The following ARHGEF4 variants were observed in gnomAD, a reference collection of about 807,000 sequenced individuals.
ARHGEF4 encodes the protein Rho guanine nucleotide exchange factor 4.
A neutral mutation model predicts 162.0 loss-of-function variants in ARHGEF4; 119 were observed. The observed-to-expected ratio is 0.73, with a 90% CI of 0.63 to 0.86. ARHGEF4 has a LOEUF of 0.86. Ranked by LOEUF, ARHGEF4 falls within the 40% of genes least tolerant of loss-of-function variation. The probability of loss-of-function intolerance (pLI) is 0.00; values close to 1 mark genes in which losing one functional copy is unlikely to be tolerated. For missense variants in ARHGEF4, 2,488 were observed against 2,456.0 expected (o/e 1.01, Z -0.28); for synonymous variants, 1,014 against 979.9 (o/e 1.03, Z -0.65).
At chr2:130,940,977 C>T (rs1683264269) in intron 3 of ARHGEF4, among the ~76,000 whole-genome samples, 1 of 151,888 alleles carries the variant, frequency 6.6e-6, no homozygotes, top group South Asian at 2.1e-4. Flanking sequence ...GGTTCCATGC[C>T]AATAGATCTT....
At chr2:130,902,917 G>C (rs868472605) in intron 1 of ARHGEF4, among the ~76,000 whole-genome samples, 4 of 85,344 alleles carry the variant, frequency 4.7e-5, no homozygotes, top group African/African-American at 1.5e-4. Context: ...CCCCACAGGG[G>C]CTCTGTTTTT....
chr2:131,028,769 C>A (rs536197865), intron 5 of ARHGEF4, among the ~76,000 whole-genome samples: 9 of 152,154 alleles, frequency 5.9e-5, no homozygotes, highest in African/African-American at 2.2e-4. Flanking sequence ...GAAGTGTAAC[C>A]AGTTGACCAG....
At chr2:130,924,567 C>G (rs1427966537) in intron 2 of ARHGEF4, among the ~76,000 whole-genome samples, 4 of 152,136 alleles carry the variant, frequency 2.6e-5, no homozygotes, top group Non-Finnish European at 4.4e-5. Flanking sequence ...CGAGGCAGTC[C>G]TCTGGTGTGA....
chr2:130,837,595 G>A (rs1391469666), intron 1 of ARHGEF4: 2 of 451,512 alleles, frequency 4.4e-6, no homozygotes, highest in Admixed American at 4.7e-5. Context: ...CCACTCAGTT[G>A]GGACGCCTCC....
rs1356009449 is a variant in ARHGEF4 at position 131,011,225 on chromosome 2, C to T, written c.3986-16720C>T. 3.3e-5 allele frequency among the ~76,000 whole-genome samples: 5 copies of T among 152,142 alleles called. No individual in the cohort carries two copies. In the East Asian group the frequency reaches 9.6e-4, roughly 29 times the overall value. On this transcript the variant is annotated intron_variant, in intron 4 of 13. Coordinates refer to ENST00000409359, the MANE Select transcript of ARHGEF4 (RefSeq NM_001367493.1). The stretch of plus-strand genomic sequence containing the variant: ...TTTCTTGATAGTAAAACAAAATAGT[C>T]CAGGCATTTTAGCACACCTGACCTT...
At chr2:130,996,693 T>C (rs775493178) in intron 4 of ARHGEF4, among the ~76,000 whole-genome samples, 22 of 152,228 alleles carry the variant, frequency 1.4e-4, no homozygotes, top group Admixed American at 4.6e-4. Context: ...AGAGAATACC[T>C]GCATTTGTTT....
intron 4 of ARHGEF4, among the ~76,000 whole-genome samples, chr2:130,966,681 G>A (rs1447493726): frequency 5.9e-5 from 9 of 152,238 alleles, no homozygotes; most frequent in Admixed American, 5.9e-4. Flanking sequence ...CGGTCCGGTG[G>A]TGCGTTGGAA....
intron 5 of ARHGEF4, among the ~76,000 whole-genome samples, chr2:131,031,391 G>A (rs1403237571): frequency 6.6e-6 from 1 of 152,244 alleles, no homozygotes; most frequent in Non-Finnish European, 1.5e-5. Context: ...ACAGATGTGT[G>A]TGCACGTGCT....
intron 3 of ARHGEF4, among the ~76,000 whole-genome samples, chr2:130,938,039 A>G (rs375397064): frequency 1.3e-5 from 2 of 152,306 alleles, no homozygotes; most frequent in African/African-American, 4.8e-5. Flanking sequence ...GGCTGCATGT[A>G]TGTTGCTGAC....
chr2:130,930,851 A>T, intron 2 of ARHGEF4, 101 bp from the exon 3 acceptor site: 1 of 1,122,954 alleles, frequency 8.9e-7, no homozygotes, highest in Non-Finnish European at 1.2e-6. Context: ...ACCAAAACAT[A>T]GTGTTATACC....
In ARHGEF4 at chr2:130,916,863, C is replaced by T. The variant is rs1162395256; in HGVS notation, c.2917C>T (p.Pro973Ser). The T allele has an allele frequency of 1.9e-6, 3 of 1,550,310 alleles. No homozygotes were observed. The Admixed American group carries it at 5.9e-5, about 30-fold the overall frequency. The change falls in exon 2 of 14, where the codon CCT becomes TCT. Residue 973 changes from proline to serine, a missense_variant. Physicochemically the swap from Pro to Ser is moderately conservative, Grantham distance 74. This residue lies in a region of ARHGEF4 where 1,642 missense variants were observed against 1,481.5 expected (regional missense o/e 1.11). Transcript: ENST00000409359. Reference protein sequence around the residue: ...SPKKPTLVSLPLGPEVLSPAE... With the variant: ...SPKKPTLVSLSLGPEVLSPAE... ...CAAAAAGCCCACCCTAGTGAGTCTG[C>T]CTCTAGGACCCGAAGTTCTCTCCCC...
At chr2:130,976,185 G>A (rs755688827) in intron 4 of ARHGEF4, among the ~76,000 whole-genome samples, 4 of 152,176 alleles carry the variant, frequency 2.6e-5, no homozygotes, top group African/African-American at 4.8e-5. Context: ...ACATCCCAGG[G>A]TGTGTGGCCC....
At chr2:130,983,900 C>T (rs1014258290) in intron 4 of ARHGEF4, among the ~76,000 whole-genome samples, 4 of 152,142 alleles carry the variant, frequency 2.6e-5, no homozygotes, top group Non-Finnish European at 5.9e-5. Context: ...CTGCCCGCTT[C>T]GGCCTCCCAA....
rs114507115 is a variant in ARHGEF4, at chr2:131,006,225, G to A, written c.3986-21720G>A. The stretch of plus-strand genomic sequence containing the variant: ...AATGAGACTGCGAGTTGATTCAGCC[G>A]CAGAGCCTCCAGAAAGGGACACAGC... On this transcript the variant is annotated intron_variant, in intron 4 of 13. Coordinates refer to ENST00000409359, the MANE Select transcript of ARHGEF4 (RefSeq NM_001367493.1). Among the ~76,000 whole-genome samples, 1,021 of 152,222 alleles carry A rather than the reference G, an allele frequency of 6.7e-3. 10 individuals are homozygous for A. Among genetic ancestry groups the A allele is most frequent in the African/African-American group, 0.023 (939 of 41,522 alleles).
intron 5 of ARHGEF4, among the ~76,000 whole-genome samples, chr2:131,028,472 G>C (rs1216850646): frequency 5.3e-5 from 8 of 152,228 alleles, no homozygotes; most frequent in African/African-American, 1.9e-4. Context: ...GGGCAGGCTG[G>C]GAACAAGTTG....
At chr2:131,014,200 C>G (rs1275387901) in intron 4 of ARHGEF4, among the ~76,000 whole-genome samples, 1 of 152,130 alleles carries the variant, frequency 6.6e-6, no homozygotes, top group Non-Finnish European at 1.5e-5. Context: ...CAGGCTGGTT[C>G]TGTTCAGTGA....
At chr2:130,885,732 G>A (rs1401678623) in intron 1 of ARHGEF4, among the ~76,000 whole-genome samples, 1 of 151,566 alleles carries the variant, frequency 6.6e-6, no homozygotes, top group Non-Finnish European at 1.5e-5. Flanking sequence ...ACCATGCCTG[G>A]CTAATTTTTT....
chr2:130,885,564 C>CT lies in ARHGEF4; in HGVS notation c.40-28398dup, dbSNP rs961513941. 7.3e-3 allele frequency among the ~76,000 whole-genome samples: 733 copies of CT among 100,364 alleles called. 13 individuals are homozygous for CT. Among genetic ancestry groups the CT allele is most frequent in the Admixed American group, 0.027 (232 of 8,744 alleles). The allele number at this position is 100,364 out of a possible 152,430, so 65.8% of individuals were successfully genotyped here. ...CCATAGCACTCTCTTTTTTCTTATT[C>CT]TTTTTTTTTTTTTTTTTTTTTTTTA... is the stretch of plus-strand genomic sequence containing the variant. On this transcript the variant is annotated intron_variant, in intron 1 of 13. Transcript: ENST00000409359.
intron 5 of ARHGEF4, among the ~76,000 whole-genome samples, chr2:131,038,623 G>C (rs1690497282): frequency 2.0e-5 from 3 of 152,214 alleles, no homozygotes; most frequent in Admixed American, 2.0e-4. Flanking sequence ...ATCAGATTCT[G>C]TGGTCAGTTC....
Sources: gnomAD v4.1 joint callset for allele counts (sites outside exome capture counted in the v4.1 genomes callset) on GRCh38, gnomAD v4.1.1 for gene constraint, gnomAD v4.1.1 regional missense constraint, MANE v1.5 for transcripts, NCBI Gene and HGNC (gene_info 2026-07-23, HGNC 2026-07-21) for gene names.